STAU2: variants seen among roughly 807,000 people sequenced by gnomAD.
The protein encoded by STAU2 is double-stranded RNA-binding protein Staufen homolog 2.
Under a neutral mutation model 65.9 loss-of-function variants are expected in STAU2, and 20 were observed. The observed-to-expected ratio is 0.30, with a 90% confidence interval of 0.21 to 0.44. The LOEUF (loss-of-function observed/expected upper bound fraction) is 0.44, where lower values mean the gene tolerates loss of function less well. Ranked by LOEUF, STAU2 falls within the 20% of genes least tolerant of loss-of-function variation. The probability of loss-of-function intolerance (pLI) is 1.00; values close to 1 mark genes in which losing one functional copy is unlikely to be tolerated. For missense variants in STAU2, 558 were observed against 683.9 expected, an observed-to-expected ratio of 0.82 and a Z score of 2.05; for synonymous variants, 232 against 233.9, an observed-to-expected ratio of 0.99 and a Z score of 0.07.
chr8:73,483,995 G>T (rs1820782857), intron 13 of STAU2, among the ~76,000 whole-genome samples: 2 of 152,080 alleles, frequency 1.3e-5, no homozygotes, highest in South Asian at 4.1e-4. Flanking sequence ...ATTTTCACGA[G>T]GCAAAGAAAA....
At chr8:73,468,727 G>T (rs1445788928) in intron 13 of STAU2, among the ~76,000 whole-genome samples, 1 of 152,220 alleles carries the variant, frequency 6.6e-6, no homozygotes, top group Non-Finnish European at 1.5e-5. Flanking sequence ...CTGGCCATCA[G>T]AGAAATGCAA....
At chr8:73,703,785 T>C (rs759740950) in intron 4 of STAU2, among the ~76,000 whole-genome samples, 1 of 152,208 alleles carries the variant, frequency 6.6e-6, no homozygotes, top group Non-Finnish European at 1.5e-5. Context: ...AGCAGATTAG[T>C]AGCTGTGTGG....
Position 73,468,891 on chromosome 8 carries a change from G to C in STAU2, c.1531-46189C>G, listed in dbSNP as rs1379058601. 2.0e-5 allele frequency among the ~76,000 whole-genome samples: 3 copies of C among 152,192 alleles called. No individual in the cohort carries two copies. In the East Asian group the frequency reaches 5.8e-4, roughly 29 times the overall value. ...ACTAGTTCAACCATTGTGGAAGACA[G>C]TATGGCGATTCCTCAGGGATCTAGA... On this transcript the variant is annotated intron_variant, in intron 13 of 14. Transcript: ENST00000524300.
At chr8:73,484,526 G>A (rs147191227) in intron 13 of STAU2, among the ~76,000 whole-genome samples, 18 of 152,104 alleles carry the variant, frequency 1.2e-4, no homozygotes, top group African/African-American at 3.6e-4. Flanking sequence ...TCTATGATAC[G>A]ATTTACTATA....
chr8:73,701,526 T>C (rs1820100900), intron 4 of STAU2, among the ~76,000 whole-genome samples: 1 of 152,108 alleles, frequency 6.6e-6, no homozygotes, highest in Non-Finnish European at 1.5e-5. Context: ...AAAACTACAC[T>C]GAGATATCAT....
chr8:73,652,929 G>GC (rs1174160095), intron 6 of STAU2: 12 of 151,982 alleles, frequency 7.9e-5, no homozygotes, highest in African/African-American at 2.7e-4. Context: ...AAATTCTGAA[G>GC]TAAAAAAATT....
chr8:73,719,397 C>CA (rs1030280857), intron 3 of STAU2, among the ~76,000 whole-genome samples: 6 of 149,784 alleles, frequency 4.0e-5, no homozygotes, highest in East Asian at 1.9e-4. Flanking sequence ...GAGACTGTCT[C>CA]AAAAAAAAAG....
intron 13 of STAU2, among the ~76,000 whole-genome samples, chr8:73,488,315 A>T (rs1374430939): frequency 6.6e-6 from 1 of 152,054 alleles, no homozygotes; most frequent in Non-Finnish European, 1.5e-5. Flanking sequence ...TGAATGTTCA[A>T]ATATAAAAAT....
intron 6 of STAU2, among the ~76,000 whole-genome samples, chr8:73,638,024 CA>C: frequency 6.6e-6 from 1 of 151,460 alleles, no homozygotes; most frequent in African/African-American, 2.4e-5. Context: ...GAAAAAAAAA[CA>C]GATTCGGAAT....
chr8:73,663,031 T>C (rs888605267), intron 6 of STAU2, among the ~76,000 whole-genome samples: 5 of 152,328 alleles, frequency 3.3e-5, no homozygotes, highest in Non-Finnish European at 7.3e-5. Flanking sequence ...AATTAAATTG[T>C]TCATATATGG....
At chr8:73,607,987 G>C (rs559865347) in intron 9 of STAU2, among the ~76,000 whole-genome samples, 1 of 152,212 alleles carries the variant, frequency 6.6e-6, no homozygotes, top group Non-Finnish European at 1.5e-5. Flanking sequence ...AGCTCTTCCG[G>C]ATGATTGCTG....
intron 13 of STAU2, among the ~76,000 whole-genome samples, chr8:73,481,641 T>C (rs1353793876): frequency 1.3e-5 from 2 of 152,120 alleles, no homozygotes; most frequent in Non-Finnish European, 2.9e-5. Flanking sequence ...GTATGTTAGT[T>C]ATATACTAAT....
Position 73,746,826 on chromosome 8 carries a change from A to G in STAU2, c.-240T>C, listed in dbSNP as rs1400367001. The G allele has an allele frequency of 8.1e-7, 1 of 1,227,316 alleles. No homozygotes were observed. Among genetic ancestry groups the G allele is most frequent in the Non-Finnish European group, 1.0e-6 (1 of 984,142 alleles). 76.0% of individuals were successfully genotyped at this position (1,227,316 alleles called of 1,614,324 possible). On this transcript the variant is annotated 5_prime_UTR_variant, in exon 1 of 15. Coordinates refer to ENST00000524300, the MANE Select transcript of STAU2 (RefSeq NM_001164380.2). Reference sequence around the variant, plus strand: ...TTGCAGACGGCTCCAACATTGGCAAACACTACAGAGAACTGACCCCGCTCG... The same window carrying G: ...TTGCAGACGGCTCCAACATTGGCAAGCACTACAGAGAACTGACCCCGCTCG...
chr8:73,566,788 T>G (rs1185318913), intron 12 of STAU2, among the ~76,000 whole-genome samples: 1 of 152,222 alleles, frequency 6.6e-6, no homozygotes, highest in Admixed American at 6.5e-5. Context: ...AGCCTCCTTA[T>G]GTTGTTTTTC....
intron 6 of STAU2, among the ~76,000 whole-genome samples, chr8:73,665,075 C>T (rs748741084): frequency 2.0e-5 from 3 of 152,062 alleles, no homozygotes; most frequent in Non-Finnish European, 4.4e-5. Context: ...GCTTTGGTAA[C>T]TTGTTCAAAT....
intron 1 of STAU2, among the ~76,000 whole-genome samples, chr8:73,746,490 G>A (rs554825067): frequency 2.8e-5 from 4 of 142,770 alleles, no homozygotes; most frequent in East Asian, 4.2e-4. Flanking sequence ...CCTTCCTCCC[G>A]GCTCCTCCCC....
At chr8:73,716,616 C>T (rs968297735) in intron 3 of STAU2, among the ~76,000 whole-genome samples, 1 of 152,022 alleles carries the variant, frequency 6.6e-6, no homozygotes, top group African/African-American at 2.4e-5. Context: ...TATAATGATA[C>T]CTCGTGATTT....
intron 12 of STAU2, among the ~76,000 whole-genome samples, chr8:73,569,918 A>AGG (rs1303993753): frequency 6.6e-6 from 1 of 152,242 alleles, no homozygotes; most frequent in Non-Finnish European, 1.5e-5. Context: ...CCTCCAAAGG[A>AGG]ATACAGCTCC....
Position 73,746,778 on chromosome 8 carries a change from T to C in STAU2, c.-197+5A>G, listed in dbSNP as rs1198224350. On this transcript the variant is annotated splice_donor_5th_base_variant and intron_variant, in intron 1 of 14. Transcript: ENST00000524300. ...CTCCCGGACGCCCCCGATGAGGGTATTTACCTTCTTGCCGGGGACACTTTG... is the reference window on the plus strand; with the variant it reads ...CTCCCGGACGCCCCCGATGAGGGTACTTACCTTCTTGCCGGGGACACTTTG... 3.3e-6 allele frequency: 4 copies of C among 1,230,022 alleles called. No homozygotes were observed. In the East Asian group the frequency reaches 1.3e-4, roughly 39 times the overall value. The allele number at this position is 1,230,022 out of a possible 1,614,324, so 76.2% of individuals were successfully genotyped here. A position where few individuals can be genotyped will look rare whatever the true frequency, so the allele number is the denominator to read the frequency against.
Sources: allele counts gnomAD v4.1 joint callset (sites outside exome capture counted in the v4.1 genomes callset), GRCh38; gene constraint gnomAD v4.1.1; transcripts MANE v1.5; gene names NCBI Gene and HGNC (gene_info 2026-07-23, HGNC 2026-07-21).